The following CSK variants were observed in gnomAD, a reference collection of about 807,000 sequenced individuals.
The protein encoded by CSK is C-terminal Src kinase.
In CSK, 7 loss-of-function variants were observed where a neutral mutation model predicts 62.3. The observed-to-expected ratio is 0.11, with a 90% CI of 0.06 to 0.21. CSK has a LOEUF of 0.21. Ranked by LOEUF, CSK falls within the 10% of genes least tolerant of loss-of-function variation. CSK has a pLI of 1.00. For synonymous variants in CSK, 237 were observed against 246.0 expected, an observed-to-expected ratio of 0.96 and a Z score of 0.34; for missense variants, 294 against 613.5, an observed-to-expected ratio of 0.48 and a Z score of 5.50.
chr15:74,791,405 A>C (rs35148705), intron 1 of CSK, among the ~76,000 whole-genome samples: 2 of 152,184 alleles, frequency 1.3e-5, no homozygotes, highest in Non-Finnish European at 2.9e-5. Context: ...ACATAGACAT[A>C]TGTGTGTATG....
At chr15:74,797,471 C>T (rs2063724191) in intron 1 of CSK, among the ~76,000 whole-genome samples, 2 of 152,086 alleles carry the variant, frequency 1.3e-5, no homozygotes, top group South Asian at 4.1e-4. Context: ...TTGCAATGAG[C>T]CGAGATTGTG....
At chr15:74,785,983 C>T (rs2063510151) in intron 1 of CSK, among the ~76,000 whole-genome samples, 1 of 105,670 alleles carries the variant, frequency 9.5e-6, no homozygotes, top group Non-Finnish European at 2.4e-5. Flanking sequence ...GACAAGGCCT[C>T]TTCTCTCTCT....
At chr15:74,789,089 A>T (rs889572922) in intron 1 of CSK, among the ~76,000 whole-genome samples, 1 of 152,210 alleles carries the variant, frequency 6.6e-6, no homozygotes, top group Non-Finnish European at 1.5e-5. Flanking sequence ...AAACCACTAG[A>T]CGGGATTTCC....
chr15:74,802,654 C>G lies in CSK; in HGVS notation c.*141C>G. On this transcript the variant is annotated 3_prime_UTR_variant, in exon 13 of 13. Coordinates refer to ENST00000220003, the MANE Select transcript of CSK (RefSeq NM_004383.3). ...CTTTTTCCTGCGTCCCAGCCTGCAC[C>G]CCTCCGGCCCCGTCTCTCTTGGACC... 1 of 1,030,548 alleles carries G rather than the reference C, an allele frequency of 9.7e-7. No individual in the cohort carries two copies. Among genetic ancestry groups the G allele is most frequent in the East Asian group, 2.8e-5 (1 of 35,594 alleles). The allele number at this position is 1,030,548 out of a possible 1,614,324, so 63.8% of individuals were successfully genotyped here.
intron 1 of CSK, among the ~76,000 whole-genome samples, chr15:74,788,011 T>C (rs140101928): frequency 1.2e-3 from 183 of 152,302 alleles, no homozygotes; most frequent in Non-Finnish European, 2.0e-3. Flanking sequence ...TCTCACTTCC[T>C]GGCAGAGCTG....
chr15:74,789,545 C>G (rs534070568), intron 1 of CSK, among the ~76,000 whole-genome samples: 1 of 152,350 alleles, frequency 6.6e-6, no homozygotes, highest in South Asian at 2.1e-4. Context: ...TCCTCAGGTG[C>G]ACTGCCCTTT....
rs1250180000 is a variant in CSK at position 74,802,585 on chromosome 15, T to C, written c.*72T>C. The C allele has an allele frequency of 2.0e-5, 32 of 1,564,180 alleles. No individual in the cohort carries two copies. Among genetic ancestry groups the C allele is most frequent in the Non-Finnish European group, 2.7e-5 (31 of 1,156,788 alleles). ...AAGATCATGGACCTGGTGCCCCTGC[T>C]CACTGGGCCCGAGCCTGAACTGAGC... On this transcript the variant is annotated 3_prime_UTR_variant, in exon 13 of 13. Coordinates refer to ENST00000220003, the MANE Select transcript of CSK (RefSeq NM_004383.3).
Position 74,801,582 on chromosome 15 carries a change from C to T in CSK, c.874C>T (p.Leu292Phe). 6.2e-7 allele frequency: 1 copy of T among 1,613,968 alleles called. No homozygotes were observed. The highest frequency in any genetic ancestry group is 8.5e-7 in the Non-Finnish European group (1 of 1,179,918). Residue 292 changes from leucine (L) to phenylalanine (F), a missense_variant, in exon 10 of 13, where the codon CTC becomes TTC. By Grantham distance (22) the Leu-to-Phe change is conservative. This residue lies in a region of CSK where 202 missense variants were observed against 415.7 expected (regional missense o/e 0.49). Transcript: ENST00000220003. ...GTCAGTGCTGGGCGGAGACTGTCTC[C>T]TCAAGTTCTCGCTGTGAGTGAAGCA... is the stretch of plus-strand genomic sequence containing the variant. ...GRSVLGGDCL[L>F]KFSLDVCEAM...
In CSK at chr15:74,798,248, GTGACAGGT is replaced by G. The variant is rs1567218131; in HGVS notation, c.-47_-40del. On this transcript the variant is annotated 5_prime_UTR_variant, in exon 2 of 13. It removes the in-frame stop codon of an upstream open reading frame in the 5' UTR. Transcript: ENST00000220003. This position sits in a 1 kb window ranked among gnomAD's most constrained non-coding sequence, Gnocchi z 6.6. Reference sequence around the variant, plus strand: ...TTCCCCACAGCTCTAATGGTACCAAGTGACAGGTTGGCTTTACTGTGACTCGGGGACGC... The same window carrying G: ...TTCCCCACAGCTCTAATGGTACCAAGTGGCTTTACTGTGACTCGGGGACGC... 6.5e-7 allele frequency: 1 copy of G among 1,537,502 alleles called. No individual in the cohort carries two copies. The highest frequency in any genetic ancestry group is 8.8e-7 in the Non-Finnish European group (1 of 1,142,612).
chr15:74,793,865 G>A (rs952371947), intron 1 of CSK, among the ~76,000 whole-genome samples: 2 of 152,062 alleles, frequency 1.3e-5, no homozygotes, highest in African/African-American at 4.8e-5. Flanking sequence ...CAGGGAGTTT[G>A]GGGAGGAAGG....
intron 1 of CSK, among the ~76,000 whole-genome samples, chr15:74,792,347 G>C (rs1183556289): frequency 6.6e-6 from 1 of 152,144 alleles, no homozygotes; most frequent in East Asian, 1.9e-4. Flanking sequence ...GGCAAGGCGG[G>C]GAGGGAGACA....
intron 5 of CSK, 107 bp downstream of exon 5, chr15:74,799,598 A>G (rs1404312396): frequency 4.3e-6 from 5 of 1,168,790 alleles, no homozygotes; most frequent in Non-Finnish European, 6.0e-6. Flanking sequence ...GTGACCAGCC[A>G]TGTGGGGCAA....
chr15:74,794,020 G>C (rs1312095862), intron 1 of CSK, among the ~76,000 whole-genome samples: 2 of 152,162 alleles, frequency 1.3e-5, no homozygotes, highest in African/African-American at 4.8e-5. Context: ...TGTTCAACCA[G>C]TTGAGCCTCA....
At chr15:74,802,124 C>A in intron 12 of CSK, 41 bp downstream of exon 12, 1 of 1,597,164 alleles carries the variant, frequency 6.3e-7, no homozygotes, top group Non-Finnish European at 8.6e-7. Context: ...CTTGGAGCAC[C>A]GGAGGGGTTG....
intron 1 of CSK, among the ~76,000 whole-genome samples, chr15:74,796,492 G>A (rs941855501): frequency 3.3e-5 from 5 of 151,796 alleles, no homozygotes; most frequent in African/African-American, 1.2e-4. Context: ...TACTTAGGAG[G>A]CTGAGGCAGG....
intron 8 of CSK, 43 bp from the exon 9 acceptor site, chr15:74,800,969 A>C: frequency 6.2e-7 from 1 of 1,612,824 alleles, no homozygotes. Flanking sequence ...GTTAGGAGTG[A>C]GGCACCAGCT....
At chr15:74,800,657 G>A in intron 6 of CSK, 24 bp from the exon 7 acceptor site, 1 of 1,538,804 alleles carries the variant, frequency 6.5e-7, no homozygotes, top group South Asian at 1.2e-5. Context: ...TGGCCTCCAG[G>A]CCCTCACTGG....
At position 74,801,783 on chromosome 15, in the gene CSK, A is replaced by G; in HGVS notation, c.976A>G (p.Asn326Asp). Reference protein sequence around the residue: ...AARNVLVSEDNVAKVSDFGLT... With the variant: ...AARNVLVSEDDVAKVSDFGLT... ...CCGCAATGTGCTGGTGTCTGAGGAC[A>G]ACGTGGCCAAGGTCAGCGACTTTGG... Residue 326 changes from asparagine (N) to aspartate (D), a missense_variant, in exon 11 of 13, where the codon AAC (asparagine) becomes GAC (aspartate). Around this residue, in one of 3 missense-constraint regions of CSK, gnomAD observed 26 missense variants for 98.4 expected, o/e 0.26. Coordinates refer to ENST00000220003, the MANE Select transcript of CSK (RefSeq NM_004383.3). The G allele has an allele frequency of 6.2e-7, 1 of 1,614,056 alleles. No individual in the cohort carries two copies. Among genetic ancestry groups the G allele is most frequent in the Non-Finnish European group, 8.5e-7 (1 of 1,180,020 alleles).
chr15:74,797,494 A>C (rs1437972329), intron 1 of CSK, among the ~76,000 whole-genome samples: 5 of 152,204 alleles, frequency 3.3e-5, no homozygotes, highest in Admixed American at 2.0e-4. Context: ...ACTGCACTCC[A>C]GCCTGGGTGA....
Sources: allele counts gnomAD v4.1 joint callset (sites outside exome capture counted in the v4.1 genomes callset), GRCh38; gene constraint gnomAD v4.1.1; regional missense constraint gnomAD v4.1.1; non-coding constraint Gnocchi (gnomAD v3.1); transcripts MANE v1.5; gene names NCBI Gene and HGNC (gene_info 2026-07-23, HGNC 2026-07-21).